GIT2: variants seen among roughly 807,000 people sequenced by gnomAD.
The protein encoded by GIT2 is ARF GTPase-activating protein GIT2.
GIT2 carries 32 observed loss-of-function variants against 100.3 expected under a neutral mutation model. The observed-to-expected ratio is 0.32, with a 90% confidence interval of 0.24 to 0.43. GIT2 has a LOEUF of 0.43. GIT2 is among the 20% of genes least tolerant of loss of function. GIT2 has a pLI of 1.00. For missense variants in GIT2, 737 were observed against 975.1 expected, an observed-to-expected ratio of 0.76 and a Z score of 3.25; for synonymous variants, 353 against 364.1, an observed-to-expected ratio of 0.97 and a Z score of 0.35.
intron 15 of GIT2, among the ~76,000 whole-genome samples, chr12:109,945,604 A>G (rs1876107099): frequency 6.6e-6 from 1 of 152,224 alleles, no homozygotes; most frequent in Non-Finnish European, 1.5e-5. Flanking sequence ...AAACTTGTCA[A>G]TAATTTTTTA....
chr12:109,989,001 G>T lies in GIT2; in HGVS notation c.367C>A (p.Arg123=). The T allele has an allele frequency of 1.9e-6, 3 of 1,611,904 alleles. No homozygotes were observed. The highest frequency in any genetic ancestry group is 2.5e-6 in the Non-Finnish European group (3 of 1,178,188). Residue 123 remains arginine (R), a synonymous_variant, in exon 4 of 20, where the codon CGG becomes AGG. Transcript: ENST00000355312. ...MLAFVHRLPC[R]DDDSVTAKDL... ...TTGGCAGTCACACTATCGTCATCCC[G>T]GCAGGGCAAGCGATGGACGAACGCT...
At chr12:109,968,987 G>A (rs1043869275) in intron 7 of GIT2, among the ~76,000 whole-genome samples, 1 of 152,008 alleles carries the variant, frequency 6.6e-6, no homozygotes, top group African/African-American at 2.4e-5. Context: ...GCCTCCCAAC[G>A]TGCTGAGATT....
At chr12:109,940,937 A>G (rs928941741) in intron 16 of GIT2, among the ~76,000 whole-genome samples, 2 of 150,346 alleles carry the variant, frequency 1.3e-5, no homozygotes, top group African/African-American at 2.4e-5. Context: ...AAAAAACCCC[A>G]CAAAACTCTA....
At chr12:109,981,238 T>C in intron 6 of GIT2, 192 bp from the exon 7 acceptor site, 1 of 531,822 alleles carries the variant, frequency 1.9e-6, no homozygotes, top group South Asian at 2.5e-5. Flanking sequence ...TTTCACCATC[T>C]GAACTATCGC....
chr12:109,986,728 G>A (rs1401867227), intron 4 of GIT2, among the ~76,000 whole-genome samples: 1 of 152,038 alleles, frequency 6.6e-6, no homozygotes, highest in Non-Finnish European at 1.5e-5. Flanking sequence ...TTGCGCCACT[G>A]CACTCCAGCC....
intron 16 of GIT2, chr12:109,940,528 T>C (rs927358972): frequency 2.0e-5 from 3 of 152,110 alleles, no homozygotes; most frequent in African/African-American, 7.2e-5. Flanking sequence ...TGTTTAAACA[T>C]ATGGAAACCC....
chr12:109,989,234 A>G (rs943090925), intron 3 of GIT2, among the ~76,000 whole-genome samples, 166 bp from the exon 4 acceptor site: 1 of 152,220 alleles, frequency 6.6e-6, no homozygotes, highest in African/African-American at 2.4e-5. Context: ...GTTTGAAAAC[A>G]TACATTAGTT....
intron 7 of GIT2, among the ~76,000 whole-genome samples, chr12:109,979,540 TG>T (rs1885873492): frequency 6.6e-6 from 1 of 152,162 alleles, no homozygotes; most frequent in African/African-American, 2.4e-5. Context: ...CCCAAAGTGC[TG>T]GGATTACAGG....
upstream of GIT2, chr12:109,999,814 G>A: frequency 2.0e-6 from 3 of 1,505,220 alleles, no homozygotes; most frequent in Non-Finnish European, 2.7e-6. The surrounding 1 kb of genome is among the most constrained non-coding windows in gnomAD (Gnocchi z 4.3). Context: ...TCCGTCTCCC[G>A]GTGGGGACTT....
At chr12:109,935,296 A>G (rs1220166120) in intron 18 of GIT2, among the ~76,000 whole-genome samples, 2 of 152,222 alleles carry the variant, frequency 1.3e-5, no homozygotes, top group Non-Finnish European at 2.9e-5. Flanking sequence ...CAGATTTCAG[A>G]AAGAGAAAAA....
intron 8 of GIT2, among the ~76,000 whole-genome samples, chr12:109,966,734 T>C (rs1318165009): frequency 1.3e-5 from 2 of 152,060 alleles, no homozygotes; most frequent in Non-Finnish European, 2.9e-5. Context: ...GAATAGCAGT[T>C]AGTCATTTCA....
Position 109,996,163 on chromosome 12 carries a change from T to C in GIT2, c.52+10A>G. The C allele has an allele frequency of 6.0e-6, 9 of 1,506,392 alleles. No homozygotes were observed. Among genetic ancestry groups the C allele is most frequent in the Non-Finnish European group, 8.0e-6 (9 of 1,122,248 alleles). 93.3% of individuals were successfully genotyped at this position (1,506,392 alleles called of 1,614,324 possible). A position where few individuals can be genotyped will look rare whatever the true frequency, so the allele number is the denominator to read the frequency against. On this transcript the variant is annotated intron_variant, in intron 1 of 19. Coordinates refer to ENST00000355312, the MANE Select transcript of GIT2 (RefSeq NM_057169.5). ...AGCAGAGGGGAGCGGGCCCGGCCGGTGCGACTCACCCGGCCCGCTGCAGTC... is the reference window on the plus strand; with the variant it reads ...AGCAGAGGGGAGCGGGCCCGGCCGGCGCGACTCACCCGGCCCGCTGCAGTC...
At chr12:109,994,294 T>C (rs1403930744) in intron 1 of GIT2, among the ~76,000 whole-genome samples, 1 of 152,200 alleles carries the variant, frequency 6.6e-6, no homozygotes, top group Non-Finnish European at 1.5e-5. Flanking sequence ...TGAGATTGGG[T>C]AAAACCCTTT....
chr12:109,941,612 C>T (rs529042994), intron 16 of GIT2, among the ~76,000 whole-genome samples: 1 of 151,980 alleles, frequency 6.6e-6, no homozygotes, highest in African/African-American at 2.4e-5. Flanking sequence ...ACCTCCGCCT[C>T]CCAGGTTCAA....
At chr12:109,984,978 G>A (rs551341297) in intron 4 of GIT2, among the ~76,000 whole-genome samples, 4 of 152,224 alleles carry the variant, frequency 2.6e-5, no homozygotes, top group African/African-American at 9.6e-5. Flanking sequence ...GAAAAGGCCC[G>A]TGATATACCG....
chr12:109,948,468 T>A lies in GIT2; in HGVS notation c.1393-964A>T. 1 of 1,111,410 alleles carries A rather than the reference T, an allele frequency of 9.0e-7. No homozygotes were observed. 68.8% of individuals were successfully genotyped at this position (1,111,410 alleles called of 1,614,324 possible). A position where few individuals can be genotyped will look rare whatever the true frequency, so the allele number is the denominator to read the frequency against. On this transcript the variant is annotated intron_variant, in intron 14 of 19. Transcript: ENST00000355312. This position sits in a 1 kb window ranked among gnomAD's most constrained non-coding sequence, Gnocchi z 4.3. Reference sequence around the variant, plus strand: ...AGGCTGCTCCATGGTGCTGGATGGATTAGAGTTAAGGGGTCAGCAGGGAAT... The same window carrying A: ...AGGCTGCTCCATGGTGCTGGATGGAATAGAGTTAAGGGGTCAGCAGGGAAT...
chr12:109,951,985 C>T (rs1392884722), intron 13 of GIT2, among the ~76,000 whole-genome samples: 1 of 152,134 alleles, frequency 6.6e-6, no homozygotes, highest in Non-Finnish European at 1.5e-5. Context: ...ATGGACTGGG[C>T]AGGAGGCCAG....
chr12:109,972,002 GAA>G lies in GIT2; in HGVS notation c.719-4501_719-4500del, dbSNP rs541168935. Reference sequence around the variant, plus strand: ...GAGCAAGACTATCTCAAAAAAAAGGGAAAAAAAAATATATATATATATATGGA... The same window carrying G: ...GAGCAAGACTATCTCAAAAAAAAGGGAAAAAAATATATATATATATATGGA... On this transcript the variant is annotated intron_variant, in intron 7 of 19. Coordinates refer to ENST00000355312, the MANE Select transcript of GIT2 (RefSeq NM_057169.5). Among the ~76,000 whole-genome samples, 439 of 136,346 alleles carry G rather than the reference GAA, an allele frequency of 3.2e-3. 4 individuals carry two copies. Among genetic ancestry groups the G allele is most frequent in the South Asian group, 0.016 (71 of 4,462 alleles). 89.4% of individuals were successfully genotyped at this position (136,346 alleles called of 152,430 possible). A position where few individuals can be genotyped will look rare whatever the true frequency, so the allele number is the denominator to read the frequency against.
At chr12:109,951,140 C>T (rs778047976) in intron 14 of GIT2, 27 bp downstream of exon 14, 2 of 1,600,630 alleles carry the variant, frequency 1.2e-6, no homozygotes. Context: ...AAAGCGTCAA[C>T]CGTCCTGGCA....
Sources: gnomAD v4.1 joint callset for allele counts (sites outside exome capture counted in the v4.1 genomes callset) on GRCh38, gnomAD v4.1.1 for gene constraint, Gnocchi (gnomAD v3.1) non-coding constraint, MANE v1.5 for transcripts, NCBI Gene and HGNC (gene_info 2026-07-23, HGNC 2026-07-21) for gene names.